The following PHACTR3 variants were observed in gnomAD, a reference collection of about 807,000 sequenced individuals.
The protein encoded by PHACTR3 is phosphatase and actin regulator 3, also known as protein phosphatase 1, regulatory subunit 123.
PHACTR3 carries 16 observed loss-of-function variants against 66.8 expected under a neutral mutation model. The observed-to-expected ratio is 0.24, with a 90% CI of 0.16 to 0.36. PHACTR3 has a LOEUF of 0.36. Ranked by LOEUF, PHACTR3 falls within the 10% of genes least tolerant of loss-of-function variation. The pLI is 1.00. For synonymous variants in PHACTR3, 323 were observed against 292.1 expected (o/e 1.11, Z -1.08); for missense variants, 647 against 719.9 (o/e 0.90, Z 1.16).
chr20:59,801,690 A>G (rs1349080826), intron 7 of PHACTR3, among the ~76,000 whole-genome samples: 4 of 152,236 alleles, frequency 2.6e-5, no homozygotes, highest in Non-Finnish European at 5.9e-5. Flanking sequence ...GCAACAATGA[A>G]CAAGGTATAA....
intron 1 of PHACTR3, among the ~76,000 whole-genome samples, chr20:59,617,832 C>T (rs1334867712): frequency 1.3e-5 from 2 of 152,202 alleles, no homozygotes; most frequent in Non-Finnish European, 2.9e-5. Context: ...CCTTCCCTTC[C>T]AGCAAATTTA....
At chr20:59,626,506 G>A (rs1274688867) in intron 1 of PHACTR3, 1 of 152,410 alleles carries the variant, frequency 6.6e-6, no homozygotes, top group Non-Finnish European at 1.5e-5. Context: ...AGAGCACTAG[G>A]GCAGCAGGAA....
intron 4 of PHACTR3, 63 bp downstream of exon 4, chr20:59,755,427 G>T: frequency 6.5e-7 from 1 of 1,547,350 alleles, no homozygotes; most frequent in Non-Finnish European, 8.7e-7. Flanking sequence ...CCCCACTGTT[G>T]TCCTTGGCTA....
chr20:59,741,963 A>C (rs2039176897), intron 1 of PHACTR3, among the ~76,000 whole-genome samples: 1 of 152,044 alleles, frequency 6.6e-6, no homozygotes, highest in Non-Finnish European at 1.5e-5. Context: ...GGATTTCACC[A>C]TGTCGGTCAG....
At chr20:59,630,480 G>A (rs1335353156) in intron 1 of PHACTR3, among the ~76,000 whole-genome samples, 1 of 152,226 alleles carries the variant, frequency 6.6e-6, no homozygotes, top group Admixed American at 6.5e-5. Flanking sequence ...ACCGTTCCCA[G>A]CCTGTTTAAT....
At chr20:59,749,300 T>TAA (rs61477495) in intron 3 of PHACTR3, among the ~76,000 whole-genome samples, 2 of 151,916 alleles carry the variant, frequency 1.3e-5, no homozygotes, top group African/African-American at 2.4e-5. Flanking sequence ...TCATCTATTC[T>TAA]AAAAAAAACA....
At chr20:59,673,854 T>C (rs1258174039) in intron 1 of PHACTR3, among the ~76,000 whole-genome samples, 1 of 152,072 alleles carries the variant, frequency 6.6e-6, no homozygotes, top group Non-Finnish European at 1.5e-5. Context: ...TCACTCTGCC[T>C]CTCTGAGCCT....
Position 59,605,096 on chromosome 20 carries a change from T to G in PHACTR3, c.82T>G (p.Ser28Ala). ...TGACCCCAGCGTCCTCACCGACTCC[T>G]CGGCCACCTCCTCCGCGGACGCCGG... is the stretch of plus-strand genomic sequence containing the variant. ...QSDPSVLTDS[S>A]ATSSADAGEN... Residue 28 changes from serine to alanine, a missense_variant, in exon 1 of 13, where the codon TCG (serine) becomes GCG (alanine). Transcript: ENST00000371015. The G allele has an allele frequency of 7.3e-7, 1 of 1,378,100 alleles. No individual in the cohort carries two copies. Among genetic ancestry groups the G allele is most frequent in the Non-Finnish European group, 9.5e-7 (1 of 1,057,334 alleles). 85.4% of individuals were successfully genotyped at this position (1,378,100 alleles called of 1,614,324 possible). A position where few individuals can be genotyped will look rare whatever the true frequency, so the allele number is the denominator to read the frequency against.
chr20:59,659,543 T>C (rs1377184166), intron 1 of PHACTR3, among the ~76,000 whole-genome samples: 2 of 151,964 alleles, frequency 1.3e-5, no homozygotes, highest in Non-Finnish European at 2.9e-5. Context: ...CAGCTACTTT[T>C]TGTATTTTTA....
chr20:59,747,224 C>T (rs986476952), intron 2 of PHACTR3, among the ~76,000 whole-genome samples: 8 of 152,210 alleles, frequency 5.3e-5, no homozygotes, highest in South Asian at 2.1e-4. Flanking sequence ...CTCCTCCCTT[C>T]CTGTCCATCT....
chr20:59,821,943 G>T (rs529955101), intron 8 of PHACTR3, among the ~76,000 whole-genome samples: 1 of 143,504 alleles, frequency 7.0e-6, no homozygotes, highest in East Asian at 2.1e-4. Context: ...GACAAACACA[G>T]CTACCCCCTC....
intron 1 of PHACTR3, among the ~76,000 whole-genome samples, chr20:59,608,026 C>G (rs560113023): frequency 1.3e-5 from 2 of 152,180 alleles, no homozygotes; most frequent in African/African-American, 2.4e-5. Flanking sequence ...TGATATTGCA[C>G]TCTCCTAGAA....
chr20:59,711,601 G>A (rs1035646906), intron 1 of PHACTR3, among the ~76,000 whole-genome samples: 1 of 151,964 alleles, frequency 6.6e-6, no homozygotes, highest in Non-Finnish European at 1.5e-5. Flanking sequence ...TCATAGCCTC[G>A]CCTGTCATAA....
chr20:59,617,639 A>G (rs2034078416), intron 1 of PHACTR3, among the ~76,000 whole-genome samples: 1 of 152,038 alleles, frequency 6.6e-6, no homozygotes, highest in South Asian at 2.1e-4. Flanking sequence ...TTTAGCACCC[A>G]GGGGCTCAGC....
intron 4 of PHACTR3, among the ~76,000 whole-genome samples, chr20:59,766,101 G>C (rs1316984229): frequency 1.3e-5 from 2 of 152,190 alleles, no homozygotes; most frequent in Admixed American, 1.3e-4. Flanking sequence ...AATCCAAGAG[G>C]AGCCCCGGTC....
intron 1 of PHACTR3, among the ~76,000 whole-genome samples, chr20:59,627,318 A>G (rs1292410830): frequency 6.6e-6 from 1 of 152,104 alleles, no homozygotes; most frequent in South Asian, 2.1e-4. Context: ...CAAATAAGCT[A>G]CCTTCACCTA....
chr20:59,635,485 C>T (rs1045603680), intron 1 of PHACTR3, among the ~76,000 whole-genome samples: 2 of 151,968 alleles, frequency 1.3e-5, no homozygotes, highest in Non-Finnish European at 2.9e-5. Flanking sequence ...CCATCTGCCT[C>T]AGCCTCCCAA....
chr20:59,840,239 A>C, intron 9 of PHACTR3, 130 bp from the exon 10 acceptor site: 1 of 1,398,650 alleles, frequency 7.1e-7, no homozygotes, highest in Non-Finnish European at 9.5e-7. Context: ...AGAAAACACC[A>C]TGAGTGATGT....
chr20:59,609,216 G>C (rs959218767), intron 1 of PHACTR3, among the ~76,000 whole-genome samples: 3 of 152,196 alleles, frequency 2.0e-5, no homozygotes, highest in Non-Finnish European at 1.5e-5. Flanking sequence ...CCTGTCATGA[G>C]CTACAGACGG....
Sources: allele counts gnomAD v4.1 joint callset (sites outside exome capture counted in the v4.1 genomes callset), GRCh38; gene constraint gnomAD v4.1.1; transcripts MANE v1.5; gene names NCBI Gene and HGNC (gene_info 2026-07-23, HGNC 2026-07-21).